The following SPOCK3 variants were observed in gnomAD, a reference collection of about 807,000 sequenced individuals.
SPOCK3 encodes SPARC (osteonectin), cwcv and kazal like domains proteoglycan 3.
In SPOCK3, 30 loss-of-function variants were observed where a neutral mutation model predicts 56.6. The observed-to-expected ratio is 0.53, with a 90% CI of 0.40 to 0.72. SPOCK3 has a LOEUF of 0.72. Ranked by LOEUF, SPOCK3 falls within the 30% of genes least tolerant of loss-of-function variation. SPOCK3 has a pLI of 0.00. For synonymous variants in SPOCK3, 196 were observed against 183.3 expected, an observed-to-expected ratio of 1.07 and a Z score of -0.56; for missense variants, 527 against 530.0, an observed-to-expected ratio of 0.99 and a Z score of 0.06.
Position 167,000,478 on chromosome 4 carries a change from A to G in SPOCK3, c.236-15T>C, listed in dbSNP as rs371965762. 18 of 1,316,498 alleles carry G rather than the reference A, an allele frequency of 1.4e-5. No homozygotes were observed. The African/African-American group carries it at 2.4e-4, about 17-fold the overall frequency. 81.6% of individuals were successfully genotyped at this position (1,316,498 alleles called of 1,614,324 possible). A position where few individuals can be genotyped will look rare whatever the true frequency, so the allele number is the denominator to read the frequency against. The stretch of plus-strand genomic sequence containing the variant: ...TGGATCTAAAGCTAAAAAAATTGCA[A>G]AGAAAATATTAAAATAAGCTTCTGT... On this transcript the variant is annotated splice_polypyrimidine_tract_variant and intron_variant, in intron 3 of 10. Coordinates refer to ENST00000357545, the MANE Select transcript of SPOCK3 (RefSeq NM_001040159.2).
intron 2 of SPOCK3, among the ~76,000 whole-genome samples, chr4:167,087,152 T>C (rs927109169): frequency 6.6e-6 from 1 of 152,150 alleles, no homozygotes; most frequent in Admixed American, 6.6e-5. Flanking sequence ...TGTAGTAACT[T>C]AAAATTTTTT....
At chr4:167,057,482 A>G (rs887579822) in intron 3 of SPOCK3, among the ~76,000 whole-genome samples, 10 of 151,946 alleles carry the variant, frequency 6.6e-5, no homozygotes, top group African/African-American at 2.4e-4. Context: ...ATTAAAAGAC[A>G]CAGACTGGCA....
At chr4:166,842,049 GT>G (rs1323575386) in intron 6 of SPOCK3, among the ~76,000 whole-genome samples, 1 of 152,112 alleles carries the variant, frequency 6.6e-6, no homozygotes, top group Non-Finnish European at 1.5e-5. Context: ...CTCTTAAGGC[GT>G]TGCGTCGGGA....
chr4:167,069,526 C>T lies in SPOCK3; in HGVS notation c.190-6989G>A, dbSNP rs566158119. Among the ~76,000 whole-genome samples, 7 of 151,868 alleles carry T rather than the reference C, an allele frequency of 4.6e-5. No individual in the cohort carries two copies. In the South Asian group the frequency reaches 8.3e-4, roughly 18 times the overall value. ...CACTACATTTTGGGCTGGTTCGTAG[C>T]GGGCGGGTTTGTTGCAGAACAACGA... is the stretch of plus-strand genomic sequence containing the variant. On this transcript the variant is annotated intron_variant, in intron 2 of 10. Transcript: ENST00000357545.
At chr4:166,907,384 T>C (rs1391749237) in intron 5 of SPOCK3, among the ~76,000 whole-genome samples, 5 of 152,074 alleles carry the variant, frequency 3.3e-5, no homozygotes, top group Non-Finnish European at 7.4e-5. Context: ...AAGGCACCAG[T>C]CATTGATCAA....
intron 3 of SPOCK3, among the ~76,000 whole-genome samples, chr4:167,048,213 C>T (rs534629104): frequency 2.0e-5 from 3 of 150,992 alleles, no homozygotes; most frequent in Admixed American, 6.6e-5. Context: ...ATCTAGTATT[C>T]AATAGTAGAA....
intron 3 of SPOCK3, among the ~76,000 whole-genome samples, chr4:167,057,439 T>C (rs1264468650): frequency 1.4e-4 from 21 of 151,908 alleles, no homozygotes; most frequent in African/African-American, 4.8e-4. Context: ...CATAACAATA[T>C]TAACTTTAAA....
At chr4:167,220,912 T>C (rs916567870) in intron 2 of SPOCK3, among the ~76,000 whole-genome samples, 2 of 152,200 alleles carry the variant, frequency 1.3e-5, no homozygotes, top group African/African-American at 4.8e-5. Context: ...AGCTTCAAGA[T>C]ATACTGATCA....
At chr4:166,910,789 T>A (rs1482051982) in intron 5 of SPOCK3, among the ~76,000 whole-genome samples, 1 of 152,150 alleles carries the variant, frequency 6.6e-6, no homozygotes, top group Non-Finnish European at 1.5e-5. Context: ...ATTTCCAATG[T>A]TGAGAAAGAC....
rs1407624270 is a variant in SPOCK3 at position 167,065,492 on chromosome 4, T to C, written c.190-2955A>G. Among the ~76,000 whole-genome samples the C allele has an allele frequency of 3.3e-5, 5 of 151,888 alleles. No individual in the cohort carries two copies. In the East Asian group the frequency reaches 9.7e-4, roughly 29 times the overall value. On this transcript the variant is annotated intron_variant, in intron 2 of 10. Transcript: ENST00000357545. ...TTGGGACCACAGCTATATAAAAATC[T>C]ATAATCACAATTGTAAAACATGAAC...
intron 4 of SPOCK3, among the ~76,000 whole-genome samples, chr4:166,983,326 T>C (rs188486117): frequency 6.6e-6 from 1 of 152,118 alleles, no homozygotes; most frequent in South Asian, 2.1e-4. Context: ...ATGAATATTA[T>C]CTTCACTCCT....
At chr4:166,742,234 CATCT>C (rs3077121) in intron 8 of SPOCK3, among the ~76,000 whole-genome samples, 175 bp from the exon 9 acceptor site, 11,915 of 121,770 alleles carry the variant, frequency 0.098, 543 homozygotes, top group African/African-American at 0.13. Context: ...GTCTATCTAT[CATCT>C]ATCTATCTAT....
intron 2 of SPOCK3, among the ~76,000 whole-genome samples, chr4:167,215,644 G>T (rs1033186118): frequency 2.0e-5 from 3 of 152,124 alleles, no homozygotes; most frequent in African/African-American, 7.2e-5. Context: ...ACAAGGATCC[G>T]AAAGCAAATA....
intron 7 of SPOCK3, among the ~76,000 whole-genome samples, chr4:166,765,426 C>A (rs1044878111): frequency 6.6e-6 from 1 of 152,150 alleles, no homozygotes; most frequent in South Asian, 2.1e-4. Context: ...TTTCCCAGCA[C>A]CATTTATTAA....
At chr4:167,131,480 G>T (rs1484416503) in intron 2 of SPOCK3, among the ~76,000 whole-genome samples, 2 of 152,106 alleles carry the variant, frequency 1.3e-5, no homozygotes, top group Non-Finnish European at 2.9e-5. Context: ...GCACACACCT[G>T]TAATCCCAGC....
At chr4:166,828,370 A>G (rs1745694954) in intron 6 of SPOCK3, among the ~76,000 whole-genome samples, 1 of 152,014 alleles carries the variant, frequency 6.6e-6, no homozygotes, top group Admixed American at 6.6e-5. Context: ...AAATTAGATT[A>G]TTTTCCAAAT....
intron 2 of SPOCK3, among the ~76,000 whole-genome samples, chr4:167,077,003 A>G (rs1438003648): frequency 6.6e-6 from 1 of 151,888 alleles, no homozygotes; most frequent in African/African-American, 2.4e-5. Context: ...TATGTGTAAA[A>G]CTATGCATGG....
chr4:167,002,706 G>A (rs937020758), intron 3 of SPOCK3, among the ~76,000 whole-genome samples: 3 of 151,770 alleles, frequency 2.0e-5, no homozygotes, highest in Admixed American at 6.6e-5. Flanking sequence ...ATCATCATTA[G>A]GTAAAAAAAA....
chr4:167,071,555 G>A (rs146113697), intron 2 of SPOCK3, among the ~76,000 whole-genome samples: 99 of 152,034 alleles, frequency 6.5e-4, no homozygotes, highest in African/African-American at 2.4e-3. Context: ...CCATGTCCCT[G>A]CAAAGGACAT....
Sources: allele counts gnomAD v4.1 joint callset (sites outside exome capture counted in the v4.1 genomes callset), GRCh38; gene constraint gnomAD v4.1.1; transcripts MANE v1.5; gene names NCBI Gene and HGNC (gene_info 2026-07-23, HGNC 2026-07-21).